C10orf67: variants seen among roughly 807,000 people sequenced by gnomAD.
The protein encoded by C10orf67 is uncharacterized protein C10orf67, mitochondrial.
Under a neutral mutation model 35.6 loss-of-function variants are expected in C10orf67, and 60 were observed. That is an observed-to-expected ratio of 1.68 (90% CI 1.37 to 2.09). The LOEUF is 2.09. Among genes scored for constraint, C10orf67 ranks in the 30% most tolerant of loss-of-function variants. The pLI, the probability that C10orf67 is intolerant of heterozygous loss-of-function variation, is 0.00. For missense variants in C10orf67, 474 were observed against 330.2 expected, an observed-to-expected ratio of 1.44 and a Z score of -3.38; for synonymous variants, 167 against 115.8, an observed-to-expected ratio of 1.44 and a Z score of -2.84.
chr10:23,261,245 A>G (rs984870016), intron 10 of C10orf67, among the ~76,000 whole-genome samples: 1 of 152,300 alleles, frequency 6.6e-6, no homozygotes, highest in South Asian at 2.1e-4. Flanking sequence ...GCATACACAC[A>G]CACACACGCA....
chr10:23,339,389 G>T (rs571599009), intron 1 of C10orf67, among the ~76,000 whole-genome samples: 1 of 103,252 alleles, frequency 9.7e-6, no homozygotes, highest in South Asian at 3.0e-4. Context: ...AAAGATTAAT[G>T]GAAAAAAGGC....
rs1423526747 is a variant in C10orf67, at chr10:23,204,238, G to C, written c.1588C>G (p.Pro530Ala). ...GGCTCCTCCAAGGACTCTTCTTTTG[G>C]GGATTCCGACAACTTCCCTAAACGT... ...LSPKGKLSESPKEESLEEPSM... is the reference protein window; with the variant it reads ...LSPKGKLSESAKEESLEEPSM... Residue 530 changes from proline (P) to alanine (A), a missense_variant, in exon 16 of 16, where the codon CCA (proline) becomes GCA (alanine). By Grantham distance (27) the Pro-to-Ala change is conservative. Transcript: ENST00000636213. 4 of 653,788 alleles carry C rather than the reference G, an allele frequency of 6.1e-6. No individual in the cohort carries two copies. Among genetic ancestry groups the C allele is most frequent in the Non-Finnish European group, 1.1e-5 (4 of 350,366 alleles). The allele number at this position is 653,788 out of a possible 1,614,324, so 40.5% of individuals were successfully genotyped here.
At chr10:23,335,261 AACCTGTC>A (rs1845635698) in intron 1 of C10orf67, among the ~76,000 whole-genome samples, 1 of 152,106 alleles carries the variant, frequency 6.6e-6, no homozygotes, top group South Asian at 2.1e-4. Context: ...TTAGCTCTGA[AACCTGTC>A]ATACCTCCAG....
At chr10:23,232,004 A>G (rs1045101668) in intron 13 of C10orf67, among the ~76,000 whole-genome samples, 1 of 152,238 alleles carries the variant, frequency 6.6e-6, no homozygotes, top group Non-Finnish European at 1.5e-5. Flanking sequence ...TGATAAAACT[A>G]TGAAGAAAAT....
At chr10:23,323,909 AT>A (rs1845066134) in intron 2 of C10orf67, among the ~76,000 whole-genome samples, 1 of 18,276 alleles carries the variant, frequency 5.5e-5, no homozygotes, top group South Asian at 2.6e-3. Flanking sequence ...ATATATATAT[AT>A]ATATATATAT....
At position 23,333,156 on chromosome 10, in the gene C10orf67, AT is replaced by A; in HGVS notation, c.232del (p.Ile78LeufsTer20). 6.2e-7 allele frequency: 1 copy of A among 1,605,714 alleles called. No homozygotes were observed. Among genetic ancestry groups the A allele is most frequent in the Non-Finnish European group, 8.5e-7 (1 of 1,174,158 alleles). On this transcript the variant is annotated frameshift_variant, in exon 2 of 16. Transcript: ENST00000636213. LOFTEE classifies it high-confidence loss of function. ...TRLNISDDLK[I>X]GFFSTDHATQ... ...GGCATGGTCTGTGCTGAAAAAGCCA[AT>A]CTTTAAATCATCTGAAATGTTAAGT...
At chr10:23,269,095 T>C (rs978775553) in intron 8 of C10orf67, among the ~76,000 whole-genome samples, 1 of 152,140 alleles carries the variant, frequency 6.6e-6, no homozygotes, top group South Asian at 2.1e-4. Context: ...TAATAAATCA[T>C]CCCTCAGATA....
chr10:23,289,182 C>T (rs1843638781), intron 7 of C10orf67, among the ~76,000 whole-genome samples: 1 of 152,000 alleles, frequency 6.6e-6, no homozygotes, highest in South Asian at 2.1e-4. Flanking sequence ...ATGTGTGTTT[C>T]AGACAGGGTC....
At chr10:23,326,801 G>C (rs1845214884) in intron 2 of C10orf67, among the ~76,000 whole-genome samples, 1 of 151,954 alleles carries the variant, frequency 6.6e-6, no homozygotes, top group Admixed American at 6.6e-5. Context: ...CTGAACAAAG[G>C]GTCAAAAGAT....
intron 13 of C10orf67, among the ~76,000 whole-genome samples, chr10:23,229,712 C>A (rs1841852521): frequency 6.6e-6 from 1 of 151,608 alleles, no homozygotes. Flanking sequence ...TTACAAACTA[C>A]TTAGAGTAAT....
At chr10:23,234,329 A>G (rs1841985488) in intron 13 of C10orf67, among the ~76,000 whole-genome samples, 1 of 152,214 alleles carries the variant, frequency 6.6e-6, no homozygotes, top group African/African-American at 2.4e-5. Context: ...CACACCATGG[A>G]ATACTATGCA....
intron 5 of C10orf67, among the ~76,000 whole-genome samples, chr10:23,302,695 A>AT (rs1309916429): frequency 6.6e-6 from 1 of 152,096 alleles, no homozygotes; most frequent in Non-Finnish European, 1.5e-5. Context: ...CAGGATCCAC[A>AT]TTTTCCAAAG....
At chr10:23,300,928 G>T (rs1844052178) in intron 5 of C10orf67, among the ~76,000 whole-genome samples, 1 of 152,228 alleles carries the variant, frequency 6.6e-6, no homozygotes, top group East Asian at 1.9e-4. Flanking sequence ...GTTAGTGTCT[G>T]ATTTAGCAGT....
intron 10 of C10orf67, among the ~76,000 whole-genome samples, chr10:23,255,450 G>T (rs117058274): frequency 1.3e-5 from 2 of 152,152 alleles, no homozygotes; most frequent in African/African-American, 2.4e-5. Flanking sequence ...GCTGATCCAG[G>T]CTATATGCAA....
intron 8 of C10orf67, 128 bp from the exon 9 acceptor site, chr10:23,267,382 G>A (rs1175453267): frequency 1.3e-5 from 7 of 520,864 alleles, no homozygotes; most frequent in Admixed American, 3.3e-5. Flanking sequence ...AACGATTATG[G>A]GATAAAAGTT....
intron 12 of C10orf67, among the ~76,000 whole-genome samples, chr10:23,241,956 A>T (rs12265525): frequency 0.037 from 4,927 of 134,130 alleles, 245 homozygotes; most frequent in African/African-American, 0.13. Flanking sequence ...AAGGCCAAAG[A>T]ACTGACATTT....
intron 1 of C10orf67, among the ~76,000 whole-genome samples, chr10:23,340,396 G>A (rs997444640): frequency 6.6e-6 from 1 of 151,456 alleles, no homozygotes; most frequent in Non-Finnish European, 1.5e-5. Flanking sequence ...GGCACACACC[G>A]GCGGCTCCAC....
chr10:23,283,714 T>C (rs1843441726), intron 7 of C10orf67, among the ~76,000 whole-genome samples: 2 of 151,934 alleles, frequency 1.3e-5, no homozygotes, highest in African/African-American at 2.4e-5. Context: ...CCCTCCCAAC[T>C]CTCCTGCATC....
chr10:23,204,002 T>G lies in C10orf67; in HGVS notation c.*171A>C. On this transcript the variant is annotated 3_prime_UTR_variant, in exon 16 of 16. Transcript: ENST00000636213. ...GAAAGGAGCGCGCACAAGGCGCGCA[T>G]TGAGGTCTATTCGAGCGCAGTGCTG... 4 of 377,652 alleles carry G rather than the reference T, an allele frequency of 1.1e-5. No individual in the cohort carries two copies. The highest frequency in any genetic ancestry group is 7.6e-5 in the East Asian group (2 of 26,204). The allele number at this position is 377,652 out of a possible 1,614,324, so 23.4% of individuals were successfully genotyped here. A position where few individuals can be genotyped will look rare whatever the true frequency, so the allele number is the denominator to read the frequency against.
Sources: allele counts gnomAD v4.1 joint callset (sites outside exome capture counted in the v4.1 genomes callset), GRCh38; gene constraint gnomAD v4.1.1; transcripts MANE v1.5; gene names NCBI Gene and HGNC (gene_info 2026-07-23, HGNC 2026-07-21).